DHX32: variants seen among roughly 807,000 people sequenced by gnomAD.
The protein encoded by DHX32 is putative pre-mRNA-splicing factor ATP-dependent RNA helicase DHX32.
In DHX32, 51 loss-of-function variants were observed where a neutral mutation model predicts 70.0. The ratio of observed to expected loss-of-function variants is 0.73; its 90% confidence interval spans 0.58 to 0.92. DHX32 has a LOEUF of 0.92. Ranked by LOEUF, DHX32 falls within the 40% of genes least tolerant of loss-of-function variation. The pLI is 0.00. For synonymous variants in DHX32, 310 were observed against 315.3 expected (o/e 0.98, Z 0.18); for missense variants, 762 against 891.8 (o/e 0.85, Z 1.85).
chr10:125,859,849 A>G lies in DHX32; in HGVS notation c.603T>C (p.Leu201=). 1.2e-6 allele frequency: 2 copies of G among 1,614,122 alleles called. No homozygotes were observed. The highest frequency in any genetic ancestry group is 1.7e-6 in the Non-Finnish European group (2 of 1,180,020). Residue 201 remains leucine (L), a synonymous_variant, in exon 3 of 11, where the codon CTT becomes CTC. Coordinates refer to ENST00000284690, the MANE Select transcript of DHX32 (RefSeq NM_018180.3). ...SIATDVLLGL[L]KDVLLARPEL... Reference sequence around the variant, plus strand: ...CTGGTCTTGCTAGTAAAACATCTTTAAGAAGTCCAAGTAACACATCAGTTG... The same window carrying G: ...CTGGTCTTGCTAGTAAAACATCTTTGAGAAGTCCAAGTAACACATCAGTTG...
chr10:125,846,971 A>G (rs111799917), intron 6 of DHX32, among the ~76,000 whole-genome samples: 2,799 of 152,270 alleles, frequency 0.018, 36 homozygotes, highest in South Asian at 0.033. Context: ...GTATATACAC[A>G]TTTATATCAA....
chr10:125,837,664 A>G (rs113955097), intron 10 of DHX32, among the ~76,000 whole-genome samples: 1 of 152,178 alleles, frequency 6.6e-6, no homozygotes, highest in Non-Finnish European at 1.5e-5. Flanking sequence ...GGCTCAAGCC[A>G]TCTTCCTCCT....
At chr10:125,843,806 C>G (rs1854943134) in intron 6 of DHX32, among the ~76,000 whole-genome samples, 1 of 152,154 alleles carries the variant, frequency 6.6e-6, no homozygotes, top group Non-Finnish European at 1.5e-5. Context: ...GCCTGACGCG[C>G]CCACCACAGG....
upstream of DHX32, among the ~76,000 whole-genome samples, chr10:125,885,185 C>T (rs1219999303): frequency 1.3e-5 from 2 of 152,100 alleles, no homozygotes; most frequent in Non-Finnish European, 2.9e-5. Flanking sequence ...TCCCATTGCT[C>T]AGATCAAAGT....
At chr10:125,880,162 C>G (rs1408253970) in intron 1 of DHX32, among the ~76,000 whole-genome samples, 1 of 152,166 alleles carries the variant, frequency 6.6e-6, no homozygotes, top group African/African-American at 2.4e-5. Context: ...ATTCTCAGAC[C>G]ACTGGGCACT....
At position 125,839,200 on chromosome 10, in the gene DHX32, A is replaced by G. The variant is rs1490884656; in HGVS notation, c.1694-12T>C. 6.2e-7 allele frequency: 1 copy of G among 1,611,952 alleles called. No individual in the cohort carries two copies. Among genetic ancestry groups the G allele is most frequent in the African/African-American group, 1.3e-5 (1 of 74,874 alleles). On this transcript the variant is annotated splice_polypyrimidine_tract_variant and intron_variant, in intron 8 of 10. Transcript: ENST00000284690. ...CTTTTCCACACAGTCTAGGAGGGAA[A>G]GAACACAAGGCTATTTAGAAATGAT...
At chr10:125,856,108 T>C (rs1389586884) in intron 3 of DHX32, among the ~76,000 whole-genome samples, 3 of 152,250 alleles carry the variant, frequency 2.0e-5, no homozygotes, top group African/African-American at 4.8e-5. Flanking sequence ...AAAATGTGCA[T>C]CTGGTACTTC....
At chr10:125,871,396 T>C (rs1007818158) in intron 1 of DHX32, among the ~76,000 whole-genome samples, 3 of 152,218 alleles carry the variant, frequency 2.0e-5, no homozygotes, top group African/African-American at 2.4e-5. Flanking sequence ...GTAGGAATGT[T>C]TGCTTACGTG....
chr10:125,896,484 C>G (rs145400555), upstream of DHX32: 2 of 1,199,628 alleles, frequency 1.7e-6, no homozygotes, highest in Non-Finnish European at 2.1e-6. Flanking sequence ...CTCACGCGCT[C>G]CCTCACTTCC....
intron 7 of DHX32, 52 bp downstream of exon 7, chr10:125,841,691 T>C: frequency 1.3e-6 from 2 of 1,583,276 alleles, no homozygotes; most frequent in Middle Eastern, 1.7e-4. Flanking sequence ...GATCTAAATC[T>C]ATACCTAGTG....
At chr10:125,875,664 C>T (rs1944279847) in intron 1 of DHX32, among the ~76,000 whole-genome samples, 2 of 152,126 alleles carry the variant, frequency 1.3e-5, no homozygotes, top group Admixed American at 1.3e-4. Context: ...GTAAGAATCA[C>T]CAAAAATGCT....
intron 2 of DHX32, among the ~76,000 whole-genome samples, chr10:125,864,554 T>C (rs1258167217): frequency 6.6e-6 from 1 of 152,176 alleles, no homozygotes; most frequent in East Asian, 1.9e-4. Context: ...TAACATGTGA[T>C]AGATGTTTAA....
intron 1 of DHX32, among the ~76,000 whole-genome samples, chr10:125,876,108 T>G (rs1235502952): frequency 1.3e-5 from 2 of 152,210 alleles, no homozygotes; most frequent in Non-Finnish European, 2.9e-5. Context: ...GTAACTCCTC[T>G]GTTGTCCCTA....
chr10:125,841,108 C>T (rs1854865525), intron 7 of DHX32, 112 bp from the exon 8 acceptor site: 1 of 1,385,534 alleles, frequency 7.2e-7, no homozygotes, highest in Non-Finnish European at 9.9e-7. Context: ...TGTCTTGGTA[C>T]TCTGAATAAA....
chr10:125,881,994 G>A (rs896325522), upstream of DHX32, among the ~76,000 whole-genome samples: 2 of 152,156 alleles, frequency 1.3e-5, no homozygotes, highest in Admixed American at 1.3e-4. Flanking sequence ...GAAATCTCTA[G>A]CATATTTCTT....
chr10:125,837,793 CTA>C (rs1470247323), intron 10 of DHX32, among the ~76,000 whole-genome samples: 2 of 152,148 alleles, frequency 1.3e-5, no homozygotes, highest in Non-Finnish European at 2.9e-5. Flanking sequence ...AAAATATAAA[CTA>C]TGTGGCCCAT....
At chr10:125,850,932 T>G (rs1484445657) in intron 6 of DHX32, among the ~76,000 whole-genome samples, 1 of 152,226 alleles carries the variant, frequency 6.6e-6, no homozygotes, top group African/African-American at 2.4e-5. Context: ...GCCATCTGTT[T>G]CCACTGAAGT....
At chr10:125,860,760 T>TTG (rs1436287420) in intron 2 of DHX32, among the ~76,000 whole-genome samples, 1 of 146,640 alleles carries the variant, frequency 6.8e-6, no homozygotes, top group East Asian at 2.0e-4. Context: ...CCATTTTTTT[T>TTG]TTTTTTTTTT....
upstream of DHX32, among the ~76,000 whole-genome samples, chr10:125,883,923 A>G (rs996109699): frequency 1.3e-5 from 2 of 152,018 alleles, no homozygotes; most frequent in Non-Finnish European, 2.9e-5. Flanking sequence ...GTGGCCTCTT[A>G]CCTTGTGAGG....
Sources: allele counts gnomAD v4.1 joint callset (sites outside exome capture counted in the v4.1 genomes callset), GRCh38; gene constraint gnomAD v4.1.1; transcripts MANE v1.5; gene names NCBI Gene and HGNC (gene_info 2026-07-23, HGNC 2026-07-21).